Variants in ZWILCH observed in about 807,000 individuals in gnomAD.
ZWILCH encodes the protein protein zwilch homolog.
In ZWILCH, 74 loss-of-function variants were observed where a neutral mutation model predicts 79.9. The observed-to-expected ratio is 0.93, with a 90% CI of 0.77 to 1.12. The LOEUF (loss-of-function observed/expected upper bound fraction) is 1.12. ZWILCH is among the 50% of genes most tolerant of loss of function. ZWILCH has a pLI of 0.00. For missense variants in ZWILCH, 694 were observed against 687.5 expected (o/e 1.01, Z -0.11); for synonymous variants, 241 against 228.2 (o/e 1.06, Z -0.51).
intron 4 of ZWILCH, among the ~76,000 whole-genome samples, chr15:66,515,981 A>G (rs2140752184): frequency 6.6e-6 from 1 of 152,334 alleles, no homozygotes; most frequent in South Asian, 2.1e-4. Flanking sequence ...AAAATCCTTT[A>G]GAGGTTCTTC....
At chr15:66,524,808 C>T (rs1894616819) in intron 8 of ZWILCH, among the ~76,000 whole-genome samples, 2 of 151,946 alleles carry the variant, frequency 1.3e-5, no homozygotes, top group East Asian at 3.9e-4. Context: ...GTTTTCCTAC[C>T]TTTCTCACCT....
chr15:66,529,439 T>C (rs1025655737), intron 11 of ZWILCH, 55 bp from the exon 12 acceptor site: 59 of 1,216,484 alleles, frequency 4.9e-5, no homozygotes, highest in Non-Finnish European at 5.9e-5. Flanking sequence ...ATTAATGATA[T>C]ATTTGATCTG....
At chr15:66,533,135 C>A in intron 14 of ZWILCH, 122 bp downstream of exon 14, 1 of 556,410 alleles carries the variant, frequency 1.8e-6, no homozygotes, top group Non-Finnish European at 3.0e-6. Context: ...ATAAATAAGA[C>A]AGTCAGTGCC....
chr15:66,514,099 A>C lies in ZWILCH; in HGVS notation c.201+16A>C, dbSNP rs374286751. Reference sequence around the variant, plus strand: ...GGAAAAAGTGGTAAGTACTGGTTTGACTTTGTGGTTGTTTAATTCTCCATA... The same window carrying C: ...GGAAAAAGTGGTAAGTACTGGTTTGCCTTTGTGGTTGTTTAATTCTCCATA... On this transcript the variant is annotated intron_variant, in intron 3 of 18. Transcript: ENST00000307897. 2.6e-5 allele frequency: 41 copies of C among 1,568,388 alleles called. No homozygotes were observed. The African/African-American group carries it at 4.6e-4, about 18-fold the overall frequency.
At chr15:66,540,620 C>T (rs1254390752) in intron 17 of ZWILCH, among the ~76,000 whole-genome samples, 5 of 150,652 alleles carry the variant, frequency 3.3e-5, no homozygotes, top group Non-Finnish European at 5.9e-5. Flanking sequence ...TCTTGTGTGC[C>T]CAGTATTTTC....
intron 13 of ZWILCH, 56 bp from the exon 14 acceptor site, chr15:66,532,929 A>G (rs975655785): frequency 1.7e-6 from 2 of 1,163,992 alleles, no homozygotes; most frequent in Admixed American, 2.5e-5. Context: ...ATTTCTATTA[A>G]TATGTAATAG....
chr15:66,528,734 C>T (rs1171084975), intron 10 of ZWILCH, 118 bp from the exon 11 acceptor site: 4 of 722,386 alleles, frequency 5.5e-6, no homozygotes, highest in East Asian at 2.7e-5. Context: ...GTAGAAAATT[C>T]GTTCATATCT....
chr15:66,518,740 G>T, intron 4 of ZWILCH, 139 bp from the exon 5 acceptor site: 1 of 742,642 alleles, frequency 1.3e-6, no homozygotes, highest in Admixed American at 2.6e-5. Flanking sequence ...GAGCCAAGGA[G>T]GCCAAGGCTG....
At position 66,546,586 on chromosome 15, in the gene ZWILCH, T is replaced by G; in HGVS notation, c.1688-5T>G. 2.5e-6 allele frequency: 4 copies of G among 1,600,560 alleles called. No homozygotes were observed. Among genetic ancestry groups the G allele is most frequent in the Non-Finnish European group, 3.4e-6 (4 of 1,172,654 alleles). On this transcript the variant is annotated splice_polypyrimidine_tract_variant and splice_region_variant and intron_variant, in intron 17 of 18. Coordinates refer to ENST00000307897, the MANE Select transcript of ZWILCH (RefSeq NM_017975.5). The stretch of plus-strand genomic sequence containing the variant: ...ATTCTGATCTCACTCTCTTTTTGAT[T>G]ACAGATTTTTCGGAATTAACACTAA...
chr15:66,505,845 A>G (rs761257186), intron 1 of ZWILCH: 21 of 176,502 alleles, frequency 1.2e-4, no homozygotes, highest in South Asian at 3.2e-4. Context: ...GGTGTGTTGC[A>G]TTTTGAAAAC....
chr15:66,532,099 G>A (rs1041534345), intron 12 of ZWILCH, 148 bp from the exon 13 acceptor site: 31 of 543,496 alleles, frequency 5.7e-5, no homozygotes, highest in Admixed American at 1.7e-4. Context: ...AACTTGGGGG[G>A]TTTTGTTCAA....
intron 18 of ZWILCH, chr15:66,547,823 G>A (rs1286430356): frequency 6.6e-6 from 1 of 152,126 alleles, no homozygotes; most frequent in Non-Finnish European, 1.5e-5. Flanking sequence ...GTCTTTCTCT[G>A]TTGCACAGGC....
intron 5 of ZWILCH, among the ~76,000 whole-genome samples, chr15:66,520,348 T>A (rs1006011550): frequency 1.3e-5 from 2 of 152,126 alleles, no homozygotes; most frequent in African/African-American, 4.8e-5. Context: ...CTCGAACTCC[T>A]GGGTTCAAAC....
intron 8 of ZWILCH, among the ~76,000 whole-genome samples, chr15:66,525,481 C>G (rs1183261177): frequency 1.4e-4 from 21 of 152,154 alleles, no homozygotes; most frequent in Admixed American, 1.3e-3. Context: ...CCCTTCCCCC[C>G]ATACATATAC....
intron 2 of ZWILCH, among the ~76,000 whole-genome samples, chr15:66,509,822 CATATAT>C (rs201725734): frequency 0.076 from 6,619 of 87,580 alleles, 378 homozygotes; most frequent in Non-Finnish European, 0.11. Context: ...TGTGTGGCTA[CATATAT>C]ATATATATAT....
chr15:66,538,661 G>T (rs971118837), intron 16 of ZWILCH, among the ~76,000 whole-genome samples: 4 of 152,170 alleles, frequency 2.6e-5, no homozygotes, highest in African/African-American at 9.7e-5. Flanking sequence ...GATTACAGGT[G>T]TGAGCCACCA....
intron 16 of ZWILCH, among the ~76,000 whole-genome samples, chr15:66,537,985 G>A (rs1019175167): frequency 6.6e-6 from 1 of 152,118 alleles, no homozygotes; most frequent in Non-Finnish European, 1.5e-5. Flanking sequence ...TGGATTAGGA[G>A]AAAAATGACC....
intron 15 of ZWILCH, among the ~76,000 whole-genome samples, 199 bp downstream of exon 15, chr15:66,536,268 C>T (rs965676118): frequency 1.2e-4 from 19 of 152,220 alleles, no homozygotes; most frequent in Admixed American, 9.2e-4. Flanking sequence ...ACATTGGCTG[C>T]ATCACTTCCT....
rs746830090 is a variant in ZWILCH, at chr15:66,537,283, C to T, written c.1574+20C>T. The T allele has an allele frequency of 3.2e-6, 5 of 1,555,362 alleles. No homozygotes were observed. Among genetic ancestry groups the T allele is most frequent in the Non-Finnish European group, 4.4e-6 (5 of 1,130,322 alleles). ...TCAAAGGTAAGCAATTTTTGCTAGG[C>T]ATGGTGGCTCATGCCTGTAATCCTA... On this transcript the variant is annotated intron_variant, in intron 16 of 18. Transcript: ENST00000307897.
Sources: allele counts gnomAD v4.1 joint callset (sites outside exome capture counted in the v4.1 genomes callset), GRCh38; gene constraint gnomAD v4.1.1; transcripts MANE v1.5; gene names NCBI Gene and HGNC (gene_info 2026-07-23, HGNC 2026-07-21).